BABAM1: variants seen among roughly 807,000 people sequenced by gnomAD.
BABAM1 encodes BRISC and BRCA1-A complex member 1.
BABAM1 carries 14 observed loss-of-function variants against 34.4 expected under a neutral mutation model. The ratio of observed to expected loss-of-function variants is 0.41; its 90% CI spans 0.27 to 0.64. The LOEUF (loss-of-function observed/expected upper bound fraction) is 0.64, where lower values mean the gene tolerates loss of function less well. BABAM1 is among the 30% of genes least tolerant of loss of function. BABAM1 has a pLI of 0.34. For synonymous variants in BABAM1, 169 were observed against 165.8 expected (o/e 1.02, Z -0.15); for missense variants, 393 against 434.0 (o/e 0.91, Z 0.84).
At position 17,274,203 on chromosome 19, in the gene BABAM1, G is replaced by A. The variant is rs1305787606; in HGVS notation, c.544+18G>A. ...CACCTTCAGTATCCTTCCTGGCAGA[G>A]ATGTCCCCATGAAGGGGGCTGTCTC... On this transcript the variant is annotated intron_variant, in intron 5 of 8. Transcript: ENST00000598188. 1.2e-6 allele frequency: 2 copies of A among 1,610,928 alleles called. No homozygotes were observed. The highest frequency in any genetic ancestry group is 1.7e-6 in the Non-Finnish European group (2 of 1,179,062).
chr19:17,275,825 T>G lies in BABAM1; in HGVS notation c.569T>G (p.Ile190Ser), dbSNP rs779048287. Residue 190 changes from isoleucine (I) to serine (S), a missense_variant and splice_region_variant, in exon 6 of 9, where the codon ATC becomes AGC. Physicochemically the swap from Ile to Ser is moderately radical, Grantham distance 142 (BLOSUM62 -2). Coordinates refer to ENST00000598188, the MANE Select transcript of BABAM1 (RefSeq NM_014173.4). ...GATCTGGAAGGACTTTTCAGCCTCA[T>G]GTAAGTCCCCTGTGGGGAAATTCTT... ...TFNLEGLFSL[I>S]QQKTELPVTE... 1 of 1,613,574 alleles carries G rather than the reference T, an allele frequency of 6.2e-7. No homozygotes were observed. Among genetic ancestry groups the G allele is most frequent in the Non-Finnish European group, 8.5e-7 (1 of 1,179,564 alleles).
Position 17,268,987 on chromosome 19 carries a change from G to C in BABAM1, c.181G>C (p.Gly61Arg), listed in dbSNP as rs2073804832. 6.3e-7 allele frequency: 1 copy of C among 1,581,798 alleles called. No homozygotes were observed. Among genetic ancestry groups the C allele is most frequent in the African/African-American group, 1.3e-5 (1 of 74,230 alleles). Reference sequence around the variant, plus strand: ...GGGTGAGGCCGCCAGTGCTGATGATGGGAGCCTCAACACTTCAGGAGCCGG... The same window carrying C: ...GGGTGAGGCCGCCAGTGCTGATGATCGGAGCCTCAACACTTCAGGAGCCGG... ...GEGEAASADD[G>R]SLNTSGAGPK... The change falls in exon 2 of 9, where the codon GGG becomes CGG. Residue 61 changes from glycine to arginine, a missense_variant. Coordinates refer to ENST00000598188, the MANE Select transcript of BABAM1 (RefSeq NM_014173.4).
At position 17,269,091 on chromosome 19, in the gene BABAM1, G is replaced by A. The variant is rs781519622; in HGVS notation, c.285G>A (p.Val95=). Residue 95 remains valine (V), a splice_region_variant and synonymous_variant, in exon 2 of 9, where the codon GTG becomes GTA. Transcript: ENST00000598188. ...RTPRVNCPEK[V]IICLDLSEEM... is the part of the protein sequence containing the mutation. ...CAAGGGTCAACTGTCCAGAGAAAGT[G>A]GTAAGTAGAGGGGGTGGCCTGGGGC... 4 of 1,600,628 alleles carry A rather than the reference G, an allele frequency of 2.5e-6. No homozygotes were observed. In the South Asian group the frequency reaches 3.4e-5, roughly 13 times the overall value.
At chr19:17,275,296 A>T (rs1003642219) in intron 5 of BABAM1, among the ~76,000 whole-genome samples, 4 of 129,866 alleles carry the variant, frequency 3.1e-5, no homozygotes, top group Admixed American at 7.8e-5. Context: ...ATTTATTATT[A>T]TATTTTTTTT....
At chr19:17,270,204 T>C (rs2073823544) in intron 2 of BABAM1, among the ~76,000 whole-genome samples, 1 of 152,108 alleles carries the variant, frequency 6.6e-6, no homozygotes, top group Admixed American at 6.6e-5. Flanking sequence ...GTGCTGGGAT[T>C]ACAGGCGTGA....
chr19:17,268,427 CTTTT>C (rs10715818), intron 1 of BABAM1: 11 of 129,176 alleles, frequency 8.5e-5, no homozygotes, highest in South Asian at 3.7e-4. Flanking sequence ...AGTAACCAAT[CTTTT>C]TTTTTTTTTT....
At chr19:17,267,835 C>T (rs2073786709) in intron 1 of BABAM1, among the ~76,000 whole-genome samples, 2 of 152,156 alleles carry the variant, frequency 1.3e-5, no homozygotes, top group Admixed American at 6.5e-5. Context: ...ATGCAGACAC[C>T]CGCTAGGGAC....
At chr19:17,270,926 G>T (rs750228345) in intron 2 of BABAM1, among the ~76,000 whole-genome samples, 2 of 149,986 alleles carry the variant, frequency 1.3e-5, no homozygotes, top group Non-Finnish European at 1.5e-5. Context: ...TCCTGACCTC[G>T]TGATCCTCCC....
At chr19:17,277,355 T>G (rs1284993482) in intron 8 of BABAM1, 1 of 162,116 alleles carries the variant, frequency 6.2e-6, no homozygotes, top group African/African-American at 2.4e-5. Flanking sequence ...GTACCTGCCA[T>G]CATACCAGGT....
intron 8 of BABAM1, among the ~76,000 whole-genome samples, chr19:17,277,866 G>A (rs543616636): frequency 2.6e-5 from 4 of 152,022 alleles, no homozygotes; most frequent in East Asian, 1.9e-4. Context: ...GTGACAGGGC[G>A]GAGACCCTGT....
chr19:17,275,717 TCTC>T, intron 5 of BABAM1, 81 bp from the exon 6 acceptor site: 2 of 1,571,022 alleles, frequency 1.3e-6, no homozygotes, highest in Non-Finnish European at 1.8e-6. Context: ...GGGTGCCGGG[TCTC>T]CTCTGGTATC....
Position 17,274,339 on chromosome 19 carries a change from C to T in BABAM1, c.544+154C>T, listed in dbSNP as rs571654585. ...AAGTCACCCCTCTGAGCCTCAGTTT[C>T]CCCATCTGTACTGTGGAAGGCACAA... is the stretch of plus-strand genomic sequence containing the variant. On this transcript the variant is annotated intron_variant, in intron 5 of 8. Transcript: ENST00000598188. The T allele has an allele frequency of 3.5e-4, 336 of 962,804 alleles. 6 individuals are homozygous for T. The East Asian group carries it at 8.6e-3, about 25-fold the overall frequency. The allele number at this position is 962,804 out of a possible 1,614,324, so 59.6% of individuals were successfully genotyped here.
rs907148356 is a variant in BABAM1 at position 17,276,544 on chromosome 19, C to T, written c.619C>T (p.Pro207Ser). 3.1e-6 allele frequency: 5 copies of T among 1,604,546 alleles called. No individual in the cohort carries two copies. Among genetic ancestry groups the T allele is most frequent in the Non-Finnish European group, 4.3e-6 (5 of 1,175,902 alleles). The change falls in exon 7 of 9, where the codon CCG becomes TCG. Residue 207 changes from proline (P) to serine (S), a missense_variant. By Grantham distance (74) the Pro-to-Ser change is moderately conservative. Transcript: ENST00000598188. The stretch of plus-strand genomic sequence containing the variant: ...CACAGAGAACGTGCAGACGATTCCC[C>T]CGCCATATGTGGTCCGCACCATCCT... ...PVTENVQTIPPPYVVRTILVY... is the reference protein window; with the variant it reads ...PVTENVQTIPSPYVVRTILVY...
intron 8 of BABAM1, 69 bp from the exon 9 acceptor site, chr19:17,278,776 G>A: frequency 6.9e-7 from 1 of 1,443,182 alleles, no homozygotes; most frequent in Non-Finnish European, 9.5e-7. Context: ...AGCCCTCCAG[G>A]GATATGAAGG....
chr19:17,267,635 C>G (rs1192746502), intron 1 of BABAM1, 108 bp downstream of exon 1: 1 of 152,272 alleles, frequency 6.6e-6, no homozygotes, highest in East Asian at 1.9e-4. Flanking sequence ...TTTCTGGTTT[C>G]TCCTGCAGTG....
intron 5 of BABAM1, 41 bp from the exon 6 acceptor site, chr19:17,275,760 C>T: frequency 6.2e-7 from 1 of 1,613,350 alleles, no homozygotes; most frequent in Non-Finnish European, 8.5e-7. Flanking sequence ...GTTTCCCGCT[C>T]ACTCGTGCTC....
In BABAM1 at chr19:17,279,104, T is replaced by G. The variant is rs2145629356; in HGVS notation, c.*56T>G. On this transcript the variant is annotated 3_prime_UTR_variant, in exon 9 of 9. Coordinates refer to ENST00000598188, the MANE Select transcript of BABAM1 (RefSeq NM_014173.4). ...CAAGGAAGTCCTTGGCCTAAAGCCT[T>G]GGTTCTCAAACTGGGTTCCTTGGGA... is the stretch of plus-strand genomic sequence containing the variant. 1.3e-6 allele frequency: 2 copies of G among 1,541,736 alleles called. No homozygotes were observed. The highest frequency in any genetic ancestry group is 4.8e-5 in the East Asian group (2 of 41,956).
At chr19:17,278,068 G>A (rs895909682) in intron 8 of BABAM1, among the ~76,000 whole-genome samples, 1 of 151,802 alleles carries the variant, frequency 6.6e-6, no homozygotes, top group East Asian at 1.9e-4. Flanking sequence ...CATCTACTCA[G>A]GAGGCTGAGG....
intron 5 of BABAM1, 189 bp downstream of exon 5, chr19:17,274,374 C>G (rs947858682): frequency 1.7e-5 from 12 of 691,752 alleles, no homozygotes; most frequent in Non-Finnish European, 2.9e-5. Flanking sequence ...AAGTTGCCTA[C>G]CCCATGGAGA....
Sources: allele counts gnomAD v4.1 joint callset (sites outside exome capture counted in the v4.1 genomes callset), GRCh38; gene constraint gnomAD v4.1.1; transcripts MANE v1.5; gene names NCBI Gene and HGNC (gene_info 2026-07-23, HGNC 2026-07-21).